The following FHOD3 variants were observed in gnomAD, a reference collection of about 807,000 sequenced individuals.
FHOD3 encodes the protein FH1/FH2 domain-containing protein 3.
A neutral mutation model predicts 173.0 loss-of-function variants in FHOD3; 90 were observed. That is an observed-to-expected ratio of 0.52 (90% CI 0.44 to 0.62). FHOD3 has a LOEUF of 0.62. FHOD3 is among the 20% of genes least tolerant of loss of function. The pLI is 0.00. For synonymous variants in FHOD3, 828 were observed against 823.0 expected (o/e 1.01, Z -0.10); for missense variants, 1,945 against 2,034.7 (o/e 0.96, Z 0.85).
At chr18:36,417,027 C>G (rs1190113136) in intron 3 of FHOD3, among the ~76,000 whole-genome samples, 1 of 149,382 alleles carries the variant, frequency 6.7e-6, no homozygotes, top group Non-Finnish European at 1.5e-5. Flanking sequence ...CACGTACATA[C>G]ACATGCACAG....
intron 19 of FHOD3, among the ~76,000 whole-genome samples, chr18:36,725,744 G>A (rs1044109367): frequency 3.9e-5 from 6 of 152,092 alleles, no homozygotes; most frequent in African/African-American, 1.2e-4. Flanking sequence ...TCGCCATATC[G>A]GTTTGTTTGG....
At chr18:36,481,350 A>G (rs959696948) in intron 3 of FHOD3, among the ~76,000 whole-genome samples, 1 of 152,154 alleles carries the variant, frequency 6.6e-6, no homozygotes, top group African/African-American at 2.4e-5. Context: ...TTGGGAGAAG[A>G]CAATGAAAAG....
chr18:36,767,712 C>T (rs561771393), intron 27 of FHOD3, among the ~76,000 whole-genome samples: 1 of 152,256 alleles, frequency 6.6e-6, no homozygotes, highest in Admixed American at 6.5e-5. Context: ...CCTGGCTCTC[C>T]TTTTGCAAAG....
intron 16 of FHOD3, among the ~76,000 whole-genome samples, chr18:36,690,030 T>C (rs1191928482): frequency 1.3e-5 from 2 of 152,104 alleles, no homozygotes; most frequent in Non-Finnish European, 2.9e-5. Flanking sequence ...AGAGTTTCTG[T>C]AGGGCCCTGT....
At chr18:36,605,808 T>C (rs2032003150) in intron 8 of FHOD3, among the ~76,000 whole-genome samples, 1 of 152,196 alleles carries the variant, frequency 6.6e-6, no homozygotes, top group African/African-American at 2.4e-5. Flanking sequence ...TGGAAAACAT[T>C]CAGACTGTGA....
chr18:36,473,651 A>G (rs888701481), intron 3 of FHOD3, among the ~76,000 whole-genome samples: 3 of 152,210 alleles, frequency 2.0e-5, no homozygotes, highest in African/African-American at 7.2e-5. Context: ...AATAACTTCC[A>G]ATAACTTCCT....
chr18:36,578,810 C>T (rs8091163), intron 6 of FHOD3, among the ~76,000 whole-genome samples: 6,354 of 152,186 alleles, frequency 0.042, 340 homozygotes, highest in East Asian at 0.15. Flanking sequence ...GCATGCGAAT[C>T]CCCATGGGGT....
chr18:36,462,164 A>G (rs1230226533), intron 3 of FHOD3, among the ~76,000 whole-genome samples: 1 of 152,086 alleles, frequency 6.6e-6, no homozygotes, highest in Non-Finnish European at 1.5e-5. Flanking sequence ...GGTGAGGGTG[A>G]GTAGACTTAC....
chr18:36,722,618 T>C (rs2040846832), intron 19 of FHOD3, among the ~76,000 whole-genome samples: 1 of 151,934 alleles, frequency 6.6e-6, no homozygotes, highest in Non-Finnish European at 1.5e-5. Context: ...TATTTTTATT[T>C]CTTAGAGATA....
intron 6 of FHOD3, among the ~76,000 whole-genome samples, chr18:36,579,426 A>G (rs2058767121): frequency 1.3e-5 from 2 of 152,216 alleles, no homozygotes. Flanking sequence ...GGGCAAGGTT[A>G]GGGAAGGTGG....
intron 3 of FHOD3, among the ~76,000 whole-genome samples, chr18:36,418,520 T>C (rs577527321): frequency 6.6e-6 from 1 of 152,312 alleles, no homozygotes; most frequent in Admixed American, 6.5e-5. Context: ...AGTTTAGGTT[T>C]ATGATGATGA....
chr18:36,435,829 G>A (rs570474247), intron 3 of FHOD3, among the ~76,000 whole-genome samples: 4 of 152,248 alleles, frequency 2.6e-5, no homozygotes, highest in African/African-American at 9.6e-5. Flanking sequence ...AACTAGCTCT[G>A]AATGATATAA....
intron 3 of FHOD3, among the ~76,000 whole-genome samples, chr18:36,378,048 A>C (rs1399720070): frequency 1.3e-5 from 2 of 152,160 alleles, no homozygotes; most frequent in Non-Finnish European, 2.9e-5. Context: ...TGGTGGCATC[A>C]GGTGCATTGA....
chr18:36,638,303 T>C (rs945532193), intron 10 of FHOD3, among the ~76,000 whole-genome samples: 1 of 152,174 alleles, frequency 6.6e-6, no homozygotes, highest in Non-Finnish European at 1.5e-5. Flanking sequence ...AGGGGCTTGG[T>C]ATATCTGGGT....
intron 9 of FHOD3, among the ~76,000 whole-genome samples, chr18:36,620,129 A>G (rs980788842): frequency 1.3e-5 from 2 of 152,132 alleles, no homozygotes; most frequent in African/African-American, 4.8e-5. Context: ...GTAAGATGAA[A>G]CCAAAATTCC....
intron 4 of FHOD3, among the ~76,000 whole-genome samples, chr18:36,507,861 C>T (rs2055388376): frequency 6.6e-6 from 1 of 152,124 alleles, no homozygotes; most frequent in African/African-American, 2.4e-5. Context: ...GCCATGCTCA[C>T]ACCACTCCTC....
chr18:36,653,294 G>A, intron 12 of FHOD3, 48 bp from the exon 13 acceptor site: 1 of 1,392,898 alleles, frequency 7.2e-7, no homozygotes, highest in Non-Finnish European at 9.7e-7. Flanking sequence ...AAAGTCCTTT[G>A]CTATCTTTCC....
chr18:36,484,274 T>C (rs2054078356), intron 3 of FHOD3, among the ~76,000 whole-genome samples: 1 of 152,198 alleles, frequency 6.6e-6, no homozygotes, highest in African/African-American at 2.4e-5. Flanking sequence ...GTCTAGTTCT[T>C]TTAATATATG....
At chr18:36,768,914 T>C (rs996404843) in intron 27 of FHOD3, among the ~76,000 whole-genome samples, 1 of 152,188 alleles carries the variant, frequency 6.6e-6, no homozygotes, top group African/African-American at 2.4e-5. Context: ...TTGGGTCATC[T>C]GCCCTCAGGT....
Sources: gnomAD v4.1 joint callset for allele counts (sites outside exome capture counted in the v4.1 genomes callset) on GRCh38, gnomAD v4.1.1 for gene constraint, MANE v1.5 for transcripts, NCBI Gene and HGNC (gene_info 2026-07-23, HGNC 2026-07-21) for gene names.